Variants in PCBP3 observed in about 807,000 individuals in gnomAD.
PCBP3 encodes poly(rC) binding protein 3, also known as poly(rC)-binding protein 3.
Under a neutral mutation model 52.7 loss-of-function variants are expected in PCBP3, and 25 were observed. The observed-to-expected ratio is 0.47, with a 90% CI of 0.35 to 0.66. The LOEUF is 0.66. Ranked by LOEUF, PCBP3 falls within the 30% of genes least tolerant of loss-of-function variation. The pLI, the probability that PCBP3 is intolerant of heterozygous loss-of-function variation, is 0.01. For missense variants in PCBP3, 391 were observed against 490.3 expected (o/e 0.80, Z 1.91); for synonymous variants, 162 against 183.0 (o/e 0.89, Z 0.93).
intron 1 of PCBP3, 79 bp downstream of exon 1, chr21:45,643,947 G>C (rs1184776134): frequency 1.3e-5 from 2 of 149,054 alleles, no homozygotes; most frequent in Non-Finnish European, 3.0e-5. Context: ...CGGAGGCCGA[G>C]TGACGGGGCG....
intron 5 of PCBP3, among the ~76,000 whole-genome samples, chr21:45,864,635 T>G (rs2034398680): frequency 1.3e-5 from 2 of 152,188 alleles, no homozygotes; most frequent in African/African-American, 4.8e-5. Flanking sequence ...ATCGCTGCCA[T>G]GTTTAGTCAC....
chr21:45,903,052 G>T (rs2096107101), intron 9 of PCBP3, among the ~76,000 whole-genome samples: 1 of 152,168 alleles, frequency 6.6e-6, no homozygotes, highest in Non-Finnish European at 1.5e-5. Context: ...ATAGAATTAG[G>T]GTCTTTGTAC....
chr21:45,919,518 T>C (rs1480704489), intron 13 of PCBP3: 2 of 152,230 alleles, frequency 1.3e-5, no homozygotes, highest in African/African-American at 4.8e-5. Flanking sequence ...TTATATTGAA[T>C]GGAGAATAGA....
At chr21:45,764,294 G>A (rs2089059914) in intron 4 of PCBP3, among the ~76,000 whole-genome samples, 1 of 151,932 alleles carries the variant, frequency 6.6e-6, no homozygotes, top group Non-Finnish European at 1.5e-5. Context: ...GGCTAATTAT[G>A]TATTTTTAGT....
At chr21:45,808,616 T>G (rs1273211155) in intron 4 of PCBP3, among the ~76,000 whole-genome samples, 1 of 152,176 alleles carries the variant, frequency 6.6e-6, no homozygotes, top group Non-Finnish European at 1.5e-5. Context: ...TCAACCATTG[T>G]GGAAGACAGT....
rs555094559 is a variant in PCBP3, at chr21:45,751,786, A to G, written c.-161-3631A>G. ...CGCCCTCCATGACCACCACAGCCAC[A>G]CCATGGGGTCTGTTCTTCAGCTCAT... On this transcript the variant is annotated intron_variant, in intron 3 of 17. Coordinates refer to ENST00000681687, the MANE Select transcript of PCBP3 (RefSeq NM_001384156.1). Among the ~76,000 whole-genome samples, 61 of 152,310 alleles carry G rather than the reference A, an allele frequency of 4.0e-4. No homozygotes were observed. In the South Asian group the frequency reaches 6.0e-3, roughly 15 times the overall value.
Position 45,941,746 on chromosome 21 carries a change from G to C in PCBP3, c.*40G>C. 6.4e-7 allele frequency: 1 copy of C among 1,573,062 alleles called. No individual in the cohort carries two copies. Among genetic ancestry groups the C allele is most frequent in the South Asian group, 1.2e-5 (1 of 86,446 alleles). On this transcript the variant is annotated 3_prime_UTR_variant, in exon 18 of 18. Transcript: ENST00000681687. ...CTTCCCCCGCGTCACCCACCTGCCA[G>C]AGCCTAAGGCCCCCGGCTCTCGCAC...
chr21:45,855,579 C>T (rs534633102), intron 5 of PCBP3, among the ~76,000 whole-genome samples: 1 of 152,368 alleles, frequency 6.6e-6, no homozygotes. Context: ...GGCCGGTTGC[C>T]TCCTACATCT....
intron 2 of PCBP3, among the ~76,000 whole-genome samples, chr21:45,725,721 C>A (rs750054433): frequency 6.6e-6 from 1 of 152,044 alleles, no homozygotes; most frequent in African/African-American, 2.4e-5. Context: ...AGCAGGGAGG[C>A]TGAGCAGGAG....
intron 1 of PCBP3, among the ~76,000 whole-genome samples, chr21:45,645,238 AT>A (rs34234135): frequency 0.93 from 139,928 of 150,316 alleles, 65,123 homozygotes; most frequent in East Asian, 0.99. Context: ...TTCGAGCAGT[AT>A]TTTTTTTTTT....
intron 4 of PCBP3, among the ~76,000 whole-genome samples, chr21:45,833,344 T>G (rs1007711105): frequency 6.6e-6 from 1 of 152,222 alleles, no homozygotes; most frequent in African/African-American, 2.4e-5. Flanking sequence ...AGAAAGCCTG[T>G]GGCCCCCCAG....
chr21:45,848,587 A>T (rs1340771935), intron 4 of PCBP3, among the ~76,000 whole-genome samples: 3 of 152,124 alleles, frequency 2.0e-5, no homozygotes, highest in African/African-American at 7.2e-5. Context: ...GGTACCTTGT[A>T]ACTTAGTCTC....
intron 9 of PCBP3, among the ~76,000 whole-genome samples, chr21:45,901,843 A>T (rs1006325525): frequency 3.9e-5 from 6 of 152,212 alleles, no homozygotes; most frequent in Non-Finnish European, 1.5e-5. Context: ...ATGTGTTTCT[A>T]ATTTTCTTGA....
intron 6 of PCBP3, among the ~76,000 whole-genome samples, chr21:45,896,877 G>A (rs1318734047): frequency 7.1e-6 from 1 of 141,652 alleles, no homozygotes; most frequent in Non-Finnish European, 1.5e-5. Flanking sequence ...GGCGGCCGCG[G>A]CACATAGAAC....
chr21:45,864,489 A>C (rs946663390), intron 5 of PCBP3, among the ~76,000 whole-genome samples: 1 of 152,248 alleles, frequency 6.6e-6, no homozygotes, highest in Non-Finnish European at 1.5e-5. Context: ...TTCATAAGTT[A>C]CAACAAAATT....
At chr21:45,848,929 T>C (rs2093884749) in intron 4 of PCBP3, among the ~76,000 whole-genome samples, 1 of 152,238 alleles carries the variant, frequency 6.6e-6, no homozygotes, top group East Asian at 1.9e-4. Context: ...ACTTGGATTT[T>C]CCTGCACTAG....
chr21:45,753,471 G>A (rs1166048804), intron 3 of PCBP3, among the ~76,000 whole-genome samples: 2 of 151,946 alleles, frequency 1.3e-5, no homozygotes, highest in African/African-American at 4.8e-5. Context: ...AAAATGGGAT[G>A]TAATGGATTT....
chr21:45,708,112 C>T (rs1011749722), intron 2 of PCBP3, among the ~76,000 whole-genome samples: 1 of 152,198 alleles, frequency 6.6e-6, no homozygotes, highest in Non-Finnish European at 1.5e-5. Flanking sequence ...ACCCTACTTC[C>T]CTCCTTCCTA....
At chr21:45,721,227 A>G (rs562193965) in intron 2 of PCBP3, among the ~76,000 whole-genome samples, 2 of 152,304 alleles carry the variant, frequency 1.3e-5, no homozygotes, top group African/African-American at 4.8e-5. Context: ...AGCCTGGCCA[A>G]TGTGGCGAAA....
Sources: allele counts gnomAD v4.1 joint callset (sites outside exome capture counted in the v4.1 genomes callset), GRCh38; gene constraint gnomAD v4.1.1; transcripts MANE v1.5; gene names NCBI Gene and HGNC (gene_info 2026-07-23, HGNC 2026-07-21).